The following DOCK9 variants were observed in gnomAD, a reference collection of about 807,000 sequenced individuals.
The protein encoded by DOCK9 is dedicator of cytokinesis 9, also known as dedicator of cytokinesis protein 9.
In DOCK9, 89 loss-of-function variants were observed where a neutral mutation model predicts 263.3. The ratio of observed to expected loss-of-function variants is 0.34; its 90% CI spans 0.28 to 0.40. The LOEUF (loss-of-function observed/expected upper bound fraction) is 0.40. Ranked by LOEUF, DOCK9 falls within the 10% of genes least tolerant of loss-of-function variation. The pLI is 1.00. For synonymous variants in DOCK9, 976 were observed against 973.1 expected, an observed-to-expected ratio of 1.00 and a Z score of -0.06; for missense variants, 2,140 against 2,603.4, an observed-to-expected ratio of 0.82 and a Z score of 3.87.
intron 1 of DOCK9, among the ~76,000 whole-genome samples, chr13:99,072,280 G>T (rs2041713059): frequency 6.6e-6 from 1 of 152,094 alleles, no homozygotes; most frequent in South Asian, 2.1e-4. Flanking sequence ...CTTCCATAAA[G>T]TACAGTGTGC....
At position 98,860,570 on chromosome 13, in the gene DOCK9, T is replaced by C. The variant is rs192312259; in HGVS notation, c.3580-48A>G. 3.0e-4 allele frequency: 449 copies of C among 1,505,284 alleles called. 5 individuals are homozygous for C. In the East Asian group the frequency reaches 8.9e-3, roughly 30 times the overall value. 93.2% of individuals were successfully genotyped at this position (1,505,284 alleles called of 1,614,324 possible). ...AACAATCAAAGATGACTGGAAAGGATTCCTCCCCTGTTCTTGGAAGTGCCA... is the reference window on the plus strand; with the variant it reads ...AACAATCAAAGATGACTGGAAAGGACTCCTCCCCTGTTCTTGGAAGTGCCA... On this transcript the variant is annotated intron_variant, in intron 32 of 52. Coordinates refer to ENST00000682017, the MANE Select transcript of DOCK9 (RefSeq NM_001366683.2).
intron 1 of DOCK9, among the ~76,000 whole-genome samples, chr13:99,085,842 G>C (rs1237277007): frequency 6.8e-6 from 1 of 146,736 alleles, no homozygotes; most frequent in South Asian, 2.1e-4. Flanking sequence ...AGGGAGGCCG[G>C]GGGAGGGATA....
intron 1 of DOCK9, among the ~76,000 whole-genome samples, chr13:99,029,418 T>G (rs1269179689): frequency 6.6e-6 from 1 of 152,234 alleles, no homozygotes; most frequent in Non-Finnish European, 1.5e-5. Flanking sequence ...ATTTTATACC[T>G]AATAACAATT....
At position 99,013,633 on chromosome 13, in the gene DOCK9, G is replaced by A. The variant is rs138394445; in HGVS notation, c.130-58082C>T. 1.1e-4 allele frequency among the ~76,000 whole-genome samples: 17 copies of A among 152,272 alleles called. No individual in the cohort carries two copies. In the East Asian group the frequency reaches 2.9e-3, roughly 26 times the overall value. On this transcript the variant is annotated intron_variant, in intron 1 of 32. Transcript: ENST00000427887. Reference sequence around the variant, plus strand: ...GGGGTCTGAGCAAAGGCCACGCAATGAATGGTGCAATCCCTGGTGGAGATG... The same window carrying A: ...GGGGTCTGAGCAAAGGCCACGCAATAAATGGTGCAATCCCTGGTGGAGATG...
At chr13:98,816,358 G>A (rs1188483328) in intron 45 of DOCK9, among the ~76,000 whole-genome samples, 4 of 152,146 alleles carry the variant, frequency 2.6e-5, no homozygotes, top group Non-Finnish European at 5.9e-5. Context: ...ACGGAGGACA[G>A]AGGAAGACCC....
At chr13:98,998,191 C>T (rs1416956309) in intron 1 of DOCK9, among the ~76,000 whole-genome samples, 1 of 152,134 alleles carries the variant, frequency 6.6e-6, no homozygotes. Context: ...TGGCAGCTGG[C>T]AGGCATGCAT....
At chr13:98,912,001 C>T (rs2050130347) in intron 9 of DOCK9, among the ~76,000 whole-genome samples, 1 of 151,282 alleles carries the variant, frequency 6.6e-6, no homozygotes, top group Non-Finnish European at 1.5e-5. Flanking sequence ...TCCCAAGTAG[C>T]TGGGATTACA....
At chr13:98,900,200 G>A (rs2048064276) in intron 13 of DOCK9, among the ~76,000 whole-genome samples, 1 of 152,208 alleles carries the variant, frequency 6.6e-6, no homozygotes, top group Admixed American at 6.5e-5. Context: ...TTCAGCAGAT[G>A]CTCAGTGGAC....
intron 27 of DOCK9, among the ~76,000 whole-genome samples, chr13:98,877,294 A>G (rs2044010563): frequency 6.6e-6 from 1 of 152,226 alleles, no homozygotes; most frequent in South Asian, 2.1e-4. Context: ...TACCACCCTT[A>G]AAGTGCTATG....
chr13:98,905,765 A>G (rs555338143), intron 9 of DOCK9, among the ~76,000 whole-genome samples: 10 of 114,504 alleles, frequency 8.7e-5, no homozygotes, highest in African/African-American at 3.0e-4. Context: ...TTCTTAATAA[A>G]CTTGCTTTCA....
chr13:98,960,686 G>A (rs1475072433), intron 1 of DOCK9, among the ~76,000 whole-genome samples: 4 of 152,334 alleles, frequency 2.6e-5, no homozygotes, highest in South Asian at 2.1e-4. Flanking sequence ...GTGATTCAGC[G>A]TCGCCTGGGA....
chr13:98,817,529 A>G (rs906307406), intron 45 of DOCK9, among the ~76,000 whole-genome samples: 5 of 129,630 alleles, frequency 3.9e-5, no homozygotes, highest in Admixed American at 1.9e-4. Flanking sequence ...CTGGGTTCAC[A>G]TGATCCTCCA....
intron 1 of DOCK9, among the ~76,000 whole-genome samples, chr13:99,064,581 G>T (rs1481442234): frequency 6.6e-6 from 1 of 152,046 alleles, no homozygotes; most frequent in East Asian, 1.9e-4. Flanking sequence ...GTGCAAAAAG[G>T]CATAACAAAA....
In DOCK9 at chr13:98,877,014, A is replaced by G. The variant is rs187021278; in HGVS notation, c.2943+2884T>C. 1.5e-3 allele frequency among the ~76,000 whole-genome samples: 225 copies of G among 152,390 alleles called. 5 individuals carry two copies. Among genetic ancestry groups the G allele is most frequent in the Admixed American group, 0.014 (218 of 15,312 alleles). On this transcript the variant is annotated intron_variant, in intron 27 of 52. Transcript: ENST00000682017. ...ATTGTTTTAGGGTCAAAATATAATT[A>G]ACTTACAGAAAAGGTTGTGCATGGT...
intron 1 of DOCK9, among the ~76,000 whole-genome samples, chr13:99,082,496 G>A (rs1482717234): frequency 2.6e-5 from 4 of 151,502 alleles, no homozygotes; most frequent in African/African-American, 9.7e-5. Flanking sequence ...TCCAGCCTGG[G>A]TGAAAAGAGC....
intron 3 of DOCK9, among the ~76,000 whole-genome samples, chr13:98,926,597 C>T (rs781355745): frequency 1.2e-4 from 18 of 152,222 alleles, no homozygotes; most frequent in Non-Finnish European, 2.1e-4. Context: ...TGGTGTCCGT[C>T]GTTCATCCAC....
At chr13:98,888,607 T>C (rs2046159759) in intron 16 of DOCK9, 25 bp downstream of exon 16, 2 of 1,612,714 alleles carry the variant, frequency 1.2e-6, no homozygotes, top group African/African-American at 2.7e-5. Context: ...AAAAATTCTG[T>C]CTATTATGTA....
rs1245899247 is a variant in DOCK9 at position 98,793,886 on chromosome 13, T to C, written c.*740A>G. 1 of 152,638 alleles carries C rather than the reference T, an allele frequency of 6.6e-6. No individual in the cohort carries two copies. Among genetic ancestry groups the C allele is most frequent in the Non-Finnish European group, 1.5e-5 (1 of 68,046 alleles). The allele number at this position is 152,638 out of a possible 1,614,324, so 9.5% of individuals were successfully genotyped here. A position where few individuals can be genotyped will look rare whatever the true frequency, so the allele number is the denominator to read the frequency against. On this transcript the variant is annotated 3_prime_UTR_variant, in exon 53 of 53. Transcript: ENST00000682017. ...TAAGCCCATGTGAGTATTAAAAATG[T>C]AGAAATGTAATACATATATGTACAG...
intron 30 of DOCK9, chr13:98,866,917 C>G: frequency 4.3e-6 from 1 of 233,350 alleles, no homozygotes; most frequent in Admixed American, 5.4e-5. Flanking sequence ...AAAAAATTCA[C>G]TAATTTATGG....
Sources: allele counts gnomAD v4.1 joint callset (sites outside exome capture counted in the v4.1 genomes callset), GRCh38; gene constraint gnomAD v4.1.1; transcripts MANE v1.5; gene names NCBI Gene and HGNC (gene_info 2026-07-23, HGNC 2026-07-21).